CD55: variants seen among roughly 807,000 people sequenced by gnomAD.
The protein encoded by CD55 is CD55 molecule (Cromer blood group), also known as complement decay-accelerating factor.
In CD55, 41 loss-of-function variants were observed where a neutral mutation model predicts 45.8. That is an observed-to-expected ratio of 0.90 (90% CI 0.70 to 1.16). CD55 has a LOEUF of 1.16. Ranked by LOEUF, CD55 falls within the 50% of genes most tolerant of loss-of-function variation. The pLI, the probability that CD55 is intolerant of heterozygous loss-of-function variation, is 0.00. For missense variants in CD55, 416 were observed against 469.8 expected (o/e 0.89, Z 1.06); for synonymous variants, 181 against 181.1 (o/e 1.00, Z 0.01).
intron 2 of CD55, among the ~76,000 whole-genome samples, chr1:207,323,776 G>GT (rs1654540874): frequency 6.6e-6 from 1 of 152,194 alleles, no homozygotes; most frequent in South Asian, 2.1e-4. Flanking sequence ...CATGTATCAT[G>GT]TTTTAACTCT....
chr1:207,349,531 A>G (rs187073075), intron 9 of CD55, among the ~76,000 whole-genome samples: 5 of 151,868 alleles, frequency 3.3e-5, no homozygotes, highest in Non-Finnish European at 1.5e-5. Context: ...AGCATGGAAT[A>G]TTTTTCCATT....
chr1:207,345,576 G>A (rs893992445), intron 9 of CD55, among the ~76,000 whole-genome samples: 6 of 151,692 alleles, frequency 4.0e-5, no homozygotes, highest in Admixed American at 2.6e-4. Context: ...AATTTTGTAA[G>A]TTTACTTTTG....
chr1:207,353,670 G>A (rs28371668), intron 9 of CD55, among the ~76,000 whole-genome samples: 2,247 of 152,164 alleles, frequency 0.015, 22 homozygotes, highest in Middle Eastern at 0.027. Flanking sequence ...TCTGTGATAC[G>A]TTTAGTCTGG....
At chr1:207,353,762 A>G (rs1655978370) in intron 9 of CD55, among the ~76,000 whole-genome samples, 1 of 152,234 alleles carries the variant, frequency 6.6e-6, no homozygotes, top group South Asian at 2.1e-4. Context: ...ATGGCAAGAC[A>G]CTTAAAGGGT....
chr1:207,343,556 CTT>C (rs1042256702), intron 9 of CD55, among the ~76,000 whole-genome samples: 2 of 152,068 alleles, frequency 1.3e-5, no homozygotes, highest in African/African-American at 4.8e-5. Flanking sequence ...ACAATTTTGA[CTT>C]TTTCAAATTT....
At chr1:207,324,228 G>C (rs1157539947) in intron 2 of CD55, among the ~76,000 whole-genome samples, 1 of 152,062 alleles carries the variant, frequency 6.6e-6, no homozygotes, top group African/African-American at 2.4e-5. Context: ...GTATGGTGCT[G>C]TGTAGTTCTT....
intron 9 of CD55, among the ~76,000 whole-genome samples, chr1:207,344,404 C>T (rs1655548290): frequency 6.6e-6 from 1 of 152,038 alleles, no homozygotes; most frequent in Admixed American, 6.6e-5. Flanking sequence ...TCTTGTAAGC[C>T]ATCTCATGGT....
intron 9 of CD55, among the ~76,000 whole-genome samples, chr1:207,344,975 C>A (rs1258032428): frequency 6.6e-6 from 1 of 152,168 alleles, no homozygotes; most frequent in Non-Finnish European, 1.5e-5. Context: ...CTCGGCCTCC[C>A]AAAGTGCTGG....
intron 9 of CD55, among the ~76,000 whole-genome samples, chr1:207,341,046 G>A (rs930040565): frequency 2.0e-5 from 3 of 152,136 alleles, no homozygotes; most frequent in African/African-American, 7.2e-5. Context: ...ATGATGATTA[G>A]TGATGAGCAG....
intron 4 of CD55, among the ~76,000 whole-genome samples, chr1:207,325,966 A>T (rs1429985279): frequency 6.6e-6 from 1 of 152,246 alleles, no homozygotes; most frequent in East Asian, 1.9e-4. Flanking sequence ...GTGATTCAAT[A>T]TAAAATTTTA....
chr1:207,359,722 G>T lies in CD55; in HGVS notation c.*112G>T. On this transcript the variant is annotated 3_prime_UTR_variant, in exon 10 of 10. Transcript: ENST00000367064. ...TGCAATTGTGCTCTTCATTTAGGAT[G>T]CTTTCATTGTCTTTAAGATGTGTTA... 1 of 1,382,048 alleles carries T rather than the reference G, an allele frequency of 7.2e-7. No individual in the cohort carries two copies. The highest frequency in any genetic ancestry group is 9.5e-7 in the Non-Finnish European group (1 of 1,048,616). 85.6% of individuals were successfully genotyped at this position (1,382,048 alleles called of 1,614,324 possible).
chr1:207,334,059 C>G (rs191032849), intron 6 of CD55, among the ~76,000 whole-genome samples: 1 of 152,194 alleles, frequency 6.6e-6, no homozygotes, highest in East Asian at 1.9e-4. Flanking sequence ...AAGAAGCTCT[C>G]TGACTCTAAG....
chr1:207,359,835 A>G lies in CD55; in HGVS notation c.*225A>G. 1 of 394,254 alleles carries G rather than the reference A, an allele frequency of 2.5e-6. No homozygotes were observed. The highest frequency in any genetic ancestry group is 4.3e-5 in the Admixed American group (1 of 23,088). 24.4% of individuals were successfully genotyped at this position (394,254 alleles called of 1,614,324 possible). A position where few individuals can be genotyped will look rare whatever the true frequency, so the allele number is the denominator to read the frequency against. Reference sequence around the variant, plus strand: ...ACCTCTTGAAAATAGAACAACTTGCAGAATTGAGAGTGATTCCTTTCCTAA... The same window carrying G: ...ACCTCTTGAAAATAGAACAACTTGCGGAATTGAGAGTGATTCCTTTCCTAA... On this transcript the variant is annotated 3_prime_UTR_variant, in exon 10 of 10. Coordinates refer to ENST00000367064, the MANE Select transcript of CD55 (RefSeq NM_000574.5).
Position 207,338,022 on chromosome 1 carries a change from T to G in CD55, c.1060+613T>G, listed in dbSNP as rs190145967. Among the ~76,000 whole-genome samples the G allele has an allele frequency of 3.6e-3, 549 of 152,358 alleles. 1 individual carries two copies. The highest frequency in any genetic ancestry group is 7.5e-3 in the South Asian group (36 of 4,832). On this transcript the variant is annotated intron_variant, in intron 8 of 9. Transcript: ENST00000367064. ...AAAATGATTTTATATATTTCATAAT[T>G]GTTACCTTGAAGCCTATTTTGCCAG...
At position 207,321,797 on chromosome 1, in the gene CD55, CGCTGCCCCTCCTCGGGGA is replaced by C. The variant is rs1252934174; in HGVS notation, c.41_58del (p.Leu14_Pro19del). 6.6e-6 allele frequency: 10 copies of C among 1,525,772 alleles called. No individual in the cohort carries two copies. Among genetic ancestry groups the C allele is most frequent in the Admixed American group, 2.0e-5 (1 of 50,310 alleles). The allele number at this position is 1,525,772 out of a possible 1,614,324, so 94.5% of individuals were successfully genotyped here. A position where few individuals can be genotyped will look rare whatever the true frequency, so the allele number is the denominator to read the frequency against. On this transcript the variant is annotated inframe_deletion, in exon 1 of 10. Coordinates refer to ENST00000367064, the MANE Select transcript of CD55 (RefSeq NM_000574.5). ...GTCGCGCGGCCGAGCGTGCCCGCGG[CGCTGCCCCTCCTCGGGGA>C]GCTGCCCCGGCTGCTGCTGCTGGTG...
intron 6 of CD55, among the ~76,000 whole-genome samples, chr1:207,335,145 G>A (rs946455166): frequency 1.3e-5 from 2 of 151,230 alleles, no homozygotes; most frequent in African/African-American, 4.9e-5. Flanking sequence ...TCTATATGTA[G>A]CAAAAATGGA....
chr1:207,338,239 A>C (rs1158103291), intron 8 of CD55, among the ~76,000 whole-genome samples: 1 of 152,118 alleles, frequency 6.6e-6, no homozygotes, highest in Non-Finnish European at 1.5e-5. Flanking sequence ...CATATTTTTA[A>C]AATAATTTAC....
At chr1:207,340,864 C>A in intron 9 of CD55, 1 of 365,478 alleles carries the variant, frequency 2.7e-6, no homozygotes, top group Non-Finnish European at 4.9e-6. Flanking sequence ...TTTTCAGGAA[C>A]CTCCATATTG....
rs758895592 is a variant in CD55, at chr1:207,331,138, A to G, written c.695A>G (p.Asp232Gly). The change falls in exon 6 of 10, where the codon GAC (aspartate) becomes GGC (glycine). Residue 232 changes from aspartate to glycine, a missense_variant. Asp to Gly is a moderately conservative substitution (Grantham distance 94). Transcript: ENST00000367064. ...TATTGTCCAGCACCACCACAAATTG[A>G]CAATGGAATAATTCAAGGGGAACGT... ...EIYCPAPPQI[D>G]NGIIQGERDH... 1 of 1,613,096 alleles carries G rather than the reference A, an allele frequency of 6.2e-7. No individual in the cohort carries two copies. The highest frequency in any genetic ancestry group is 8.5e-7 in the Non-Finnish European group (1 of 1,179,426).
Sources: allele counts gnomAD v4.1 joint callset (sites outside exome capture counted in the v4.1 genomes callset), GRCh38; gene constraint gnomAD v4.1.1; transcripts MANE v1.5; gene names NCBI Gene and HGNC (gene_info 2026-07-23, HGNC 2026-07-21).